The following LAMB1 variants were observed in gnomAD, a reference collection of about 807,000 sequenced individuals.
LAMB1 encodes laminin subunit beta-1.
A neutral mutation model predicts 222.3 loss-of-function variants in LAMB1; 121 were observed. The ratio of observed to expected loss-of-function variants is 0.54; its 90% CI spans 0.47 to 0.63. LAMB1 has a LOEUF of 0.63. LAMB1 is among the 30% of genes least tolerant of loss of function. LAMB1 has a pLI of 0.00. For missense variants in LAMB1, 2,172 were observed against 2,240.8 expected, an observed-to-expected ratio of 0.97 and a Z score of 0.62; for synonymous variants, 794 against 807.2, an observed-to-expected ratio of 0.98 and a Z score of 0.28.
intron 27 of LAMB1, among the ~76,000 whole-genome samples, chr7:107,934,476 CA>C (rs1398969580): frequency 6.6e-6 from 1 of 152,144 alleles, no homozygotes; most frequent in Non-Finnish European, 1.5e-5. Context: ...GAGGAAGAAA[CA>C]GGCTCAGTTA....
At chr7:107,984,152 A>G (rs750059923) in intron 7 of LAMB1, among the ~76,000 whole-genome samples, 2 of 152,170 alleles carry the variant, frequency 1.3e-5, no homozygotes, top group Non-Finnish European at 2.9e-5. Context: ...CACATGAAAC[A>G]CCTAGAGATG....
At chr7:107,943,132 C>T (rs58545650) in intron 24 of LAMB1, among the ~76,000 whole-genome samples, 32,385 of 152,118 alleles carry the variant, frequency 0.21, 3,742 homozygotes, top group East Asian at 0.42. Flanking sequence ...GATCCGTAGA[C>T]CATACGTTCT....
chr7:107,981,979 G>A (rs2237703), intron 7 of LAMB1, among the ~76,000 whole-genome samples: 54,186 of 152,018 alleles, frequency 0.36, 10,518 homozygotes, highest in Middle Eastern at 0.5. Context: ...ACGTTTCCAC[G>A]TTTCTCAATA....
rs945748376 is a variant in LAMB1, at chr7:107,980,733, A to G, written c.755T>C (p.Met252Thr). Residue 252 changes from methionine to threonine, a missense_variant, in exon 8 of 34, where the codon ATG becomes ACG. Coordinates refer to ENST00000222399, the MANE Select transcript of LAMB1 (RefSeq NM_002291.3). The stretch of plus-strand genomic sequence containing the variant: ...ATAATAATACTTTTCTCTGATTTCC[A>G]TCCTGGAATCCAGAAGGTTATCTCC... ...TLGDNLLDSR[M>T]EIREKYYYAV... 1 of 1,613,502 alleles carries G rather than the reference A, an allele frequency of 6.2e-7. No individual in the cohort carries two copies. Among genetic ancestry groups the G allele is most frequent in the Non-Finnish European group, 8.5e-7 (1 of 1,179,430 alleles).
chr7:107,961,944 T>C (rs2033513889), intron 15 of LAMB1, among the ~76,000 whole-genome samples: 1 of 152,196 alleles, frequency 6.6e-6, no homozygotes, highest in Admixed American at 6.5e-5. Flanking sequence ...GACAATCCCC[T>C]GCTTGAAATG....
chr7:107,950,573 T>C (rs2033220071), intron 24 of LAMB1, among the ~76,000 whole-genome samples: 1 of 152,214 alleles, frequency 6.6e-6, no homozygotes, highest in African/African-American at 2.4e-5. Context: ...TGTTTAATCA[T>C]AAGCTTAGGT....
At position 108,001,763 on chromosome 7, in the gene LAMB1, G is replaced by A. The variant is rs764544629; in HGVS notation, c.38-30C>T. The A allele has an allele frequency of 1.1e-5, 18 of 1,610,200 alleles. No individual in the cohort carries two copies. The Admixed American group carries it at 1.8e-4, about 16-fold the overall frequency. ...GGGAAGGACAGGCAACAGAGTTGGG[G>A]GGACACAAGCAGGGAGTGGAGCCCG... On this transcript the variant is annotated intron_variant, in intron 2 of 33. Coordinates refer to ENST00000222399, the MANE Select transcript of LAMB1 (RefSeq NM_002291.3).
chr7:107,948,189 G>T (rs1244548467), intron 24 of LAMB1, among the ~76,000 whole-genome samples: 1 of 152,142 alleles, frequency 6.6e-6, no homozygotes, highest in Non-Finnish European at 1.5e-5. Context: ...GTTTCACCAT[G>T]TTGGTCCGGC....
chr7:107,985,067 T>C (rs1009781562), intron 7 of LAMB1, among the ~76,000 whole-genome samples: 26 of 152,182 alleles, frequency 1.7e-4, no homozygotes, highest in Non-Finnish European at 3.2e-4. Flanking sequence ...GCCCAATATA[T>C]ACCCTAATAT....
In LAMB1 at chr7:107,959,249, C is replaced by T. The variant is rs1471479996; in HGVS notation, c.2690G>A (p.Arg897Lys). 1 of 1,610,376 alleles carries T rather than the reference C, an allele frequency of 6.2e-7. No homozygotes were observed. The highest frequency in any genetic ancestry group is 8.5e-7 in the Non-Finnish European group (1 of 1,176,840). Residue 897 changes from arginine (R) to lysine (K), a missense_variant and splice_region_variant, in exon 20 of 34, where the codon AGG becomes AAG. Physicochemically the swap from Arg to Lys is conservative, Grantham distance 26. Transcript: ENST00000222399. The part of the protein sequence containing the change: ...QDYTMGHNCE[R>K]CLAGYYGDPI... Reference sequence around the variant, plus strand: ...CTCCTTACTTTCAGCATCTGCATACCTTTCACAGTTATGACCCATGGTGTA... The same window carrying T: ...CTCCTTACTTTCAGCATCTGCATACTTTTCACAGTTATGACCCATGGTGTA...
intron 26 of LAMB1, 124 bp downstream of exon 26, chr7:107,936,969 T>G (rs2116342757): frequency 2.6e-6 from 2 of 763,314 alleles, no homozygotes; most frequent in Admixed American, 2.8e-5. Context: ...TGCCAGAAAC[T>G]GGATGAGCAA....
intron 9 of LAMB1, among the ~76,000 whole-genome samples, chr7:107,976,574 G>GC (rs1378219501): frequency 6.6e-6 from 1 of 152,108 alleles, no homozygotes; most frequent in African/African-American, 2.4e-5. Flanking sequence ...CTGAGCCTCT[G>GC]CACTCCAGCC....
chr7:107,960,133 A>C (rs914203110), intron 18 of LAMB1, among the ~76,000 whole-genome samples: 2 of 152,162 alleles, frequency 1.3e-5, no homozygotes, highest in African/African-American at 4.8e-5. Context: ...AGAAAAACAT[A>C]CATTTCAGGT....
chr7:107,975,895 C>G lies in LAMB1; in HGVS notation c.1001-18G>C. 1 of 1,607,924 alleles carries G rather than the reference C, an allele frequency of 6.2e-7. No homozygotes were observed. Among genetic ancestry groups the G allele is most frequent in the Non-Finnish European group, 8.5e-7 (1 of 1,176,760 alleles). ...GTTACATTCTGCGTGACAAGAGCAA[C>G]GTCAAGAAAAGCTTTTTAAATCTAT... is the stretch of plus-strand genomic sequence containing the variant. On this transcript the variant is annotated intron_variant, in intron 9 of 33. Coordinates refer to ENST00000222399, the MANE Select transcript of LAMB1 (RefSeq NM_002291.3).
intron 27 of LAMB1, 68 bp downstream of exon 27, chr7:107,935,347 G>GTTTTTTTTTTGT: frequency 8.5e-7 from 1 of 1,171,424 alleles, no homozygotes; most frequent in South Asian, 1.5e-5. Context: ...GTTTTTCTTT[G>GTTTTTTTTTTGT]TTTTTTTTTT....
intron 31 of LAMB1, 111 bp downstream of exon 31, chr7:107,928,953 A>T: frequency 1.4e-5 from 14 of 1,015,532 alleles, no homozygotes; most frequent in East Asian, 2.4e-5. Context: ...TATTAAAGGA[A>T]TCCTTTAATG....
intron 28 of LAMB1, 74 bp from the exon 29 acceptor site, chr7:107,931,574 T>A: frequency 7.4e-7 from 1 of 1,354,196 alleles, no homozygotes; most frequent in Non-Finnish European, 1.0e-6. Flanking sequence ...TGGAAATGGC[T>A]CAAAAATGAT....
chr7:107,940,397 C>A, intron 24 of LAMB1, 39 bp from the exon 25 acceptor site: 1 of 1,577,330 alleles, frequency 6.3e-7, no homozygotes, highest in South Asian at 1.1e-5. Context: ...TCTACTTAAT[C>A]ATGAACCTCA....
chr7:108,002,269 C>T (rs1287566900), intron 2 of LAMB1: 2 of 1,310,148 alleles, frequency 1.5e-6, no homozygotes, highest in Non-Finnish European at 2.0e-6. Flanking sequence ...GACGAGGCGC[C>T]GGGGCTCGCG....
Sources: allele counts gnomAD v4.1 joint callset (sites outside exome capture counted in the v4.1 genomes callset), GRCh38; gene constraint gnomAD v4.1.1; transcripts MANE v1.5; gene names NCBI Gene and HGNC (gene_info 2026-07-23, HGNC 2026-07-21).